Variants in CEP135 observed in about 807,000 individuals in gnomAD.
The protein encoded by CEP135 is centrosomal protein of 135 kDa.
A neutral mutation model predicts 157.3 loss-of-function variants in CEP135; 142 were observed. The observed-to-expected ratio is 0.90, with a 90% CI of 0.79 to 1.04. CEP135 has a LOEUF of 1.04. Ranked by LOEUF, CEP135 falls within the 50% of genes least tolerant of loss-of-function variation. The pLI, the probability that CEP135 is intolerant of heterozygous loss-of-function variation, is 0.00. For synonymous variants in CEP135, 396 were observed against 439.8 expected (o/e 0.90, Z 1.25); for missense variants, 1,317 against 1,309.2 (o/e 1.01, Z -0.09).
rs150071203 is a variant in CEP135, at chr4:55,999,550, A to G, written c.2185A>G (p.Ile729Val). 5 of 1,611,666 alleles carry G rather than the reference A, an allele frequency of 3.1e-6. No individual in the cohort carries two copies. The African/African-American group carries it at 4.0e-5, about 13-fold the overall frequency. The change falls in exon 17 of 26, where the codon ATT (isoleucine) becomes GTT (valine). Residue 729 changes from isoleucine (I) to valine (V), a missense_variant. Ile to Val is a conservative substitution (Grantham distance 29, BLOSUM62 3). Coordinates refer to ENST00000257287, the MANE Select transcript of CEP135 (RefSeq NM_025009.5). ...GGAGGCTCATGTAATGAAAAAGACCATTGGTGTTATTGATAAAGAAAAAGA... is the reference window on the plus strand; with the variant it reads ...GGAGGCTCATGTAATGAAAAAGACCGTTGGTGTTATTGATAAAGAAAAAGA... ...DEEAHVMKKT[I>V]GVIDKEKDFL...
chr4:56,001,871 A>T (rs550964150), intron 17 of CEP135, among the ~76,000 whole-genome samples: 1 of 152,050 alleles, frequency 6.6e-6, no homozygotes, highest in African/African-American at 2.4e-5. Flanking sequence ...AATTCCTTCA[A>T]TCCATGAGTA....
At position 56,010,109 on chromosome 4, in the gene CEP135, A is replaced by G. The variant is rs531415511; in HGVS notation, c.2505+206A>G. ...TCACACCTGTAATCTTAGCACTTTC[A>G]GAGGCTGAGGTGGGTGGATCACTTG... is the stretch of plus-strand genomic sequence containing the variant. On this transcript the variant is annotated intron_variant, in intron 19 of 25. Coordinates refer to ENST00000257287, the MANE Select transcript of CEP135 (RefSeq NM_025009.5). Among the ~76,000 whole-genome samples, 5 of 152,176 alleles carry G rather than the reference A, an allele frequency of 3.3e-5. No individual in the cohort carries two copies. The South Asian group carries it at 6.2e-4, about 19-fold the overall frequency.
intron 25 of CEP135, among the ~76,000 whole-genome samples, chr4:56,025,760 G>A (rs997799122): frequency 6.6e-6 from 1 of 152,062 alleles, no homozygotes; most frequent in Non-Finnish European, 1.5e-5. Flanking sequence ...AATAGTTCAG[G>A]ATTAGTATAA....
chr4:55,993,011 C>T (rs904667461), intron 15 of CEP135, among the ~76,000 whole-genome samples: 1 of 152,014 alleles, frequency 6.6e-6, no homozygotes, highest in East Asian at 1.9e-4. Flanking sequence ...CAAATGTCAG[C>T]AAGACATTAC....
chr4:55,953,911 A>G (rs1728433896), intron 3 of CEP135, among the ~76,000 whole-genome samples: 1 of 152,188 alleles, frequency 6.6e-6, no homozygotes, highest in South Asian at 2.1e-4. Flanking sequence ...TCAGTAGAAA[A>G]CTTTATCTAA....
In CEP135 at chr4:55,974,758, C is replaced by T; in HGVS notation, c.1262C>T (p.Thr421Ile). 4 of 1,611,992 alleles carry T rather than the reference C, an allele frequency of 2.5e-6. No individual in the cohort carries two copies. Among genetic ancestry groups the T allele is most frequent in the Non-Finnish European group, 3.4e-6 (4 of 1,179,110 alleles). ...ESFAVTERQL[T>I]LEVERMRLEH... ...CTTTAATTTACAGAACGACAACTTA[C>T]TCTGGAGGTTGAGAGGATGAGACTA... The change falls in exon 11 of 26, where the codon ACT becomes ATT. Residue 421 changes from threonine to isoleucine, a missense_variant. Transcript: ENST00000257287.
chr4:55,973,250 A>G (rs1037587642), intron 10 of CEP135, among the ~76,000 whole-genome samples: 5 of 152,170 alleles, frequency 3.3e-5, no homozygotes, highest in African/African-American at 9.7e-5. Flanking sequence ...TGTAAATTAG[A>G]TGGTCCTGAA....
intron 11 of CEP135, among the ~76,000 whole-genome samples, chr4:55,977,715 G>A (rs1488000066): frequency 6.6e-6 from 1 of 152,126 alleles, no homozygotes; most frequent in Non-Finnish European, 1.5e-5. Context: ...TAGCAATTTT[G>A]AAGTATACAA....
At chr4:55,981,988 A>G (rs1729426850) in intron 13 of CEP135, among the ~76,000 whole-genome samples, 1 of 152,130 alleles carries the variant, frequency 6.6e-6, no homozygotes, top group Non-Finnish European at 1.5e-5. Context: ...ACCCATAACA[A>G]AGTCAAAAAT....
At chr4:56,019,675 C>T (rs1730907089) in intron 23 of CEP135, 120 bp downstream of exon 23, 5 of 731,436 alleles carry the variant, frequency 6.8e-6, no homozygotes, top group African/African-American at 3.6e-5. Flanking sequence ...GTGGCTCACA[C>T]CTGTAATCCC....
chr4:56,010,360 CAAAAAAA>C (rs34182911), intron 19 of CEP135, among the ~76,000 whole-genome samples: 2 of 110,940 alleles, frequency 1.8e-5, no homozygotes, highest in Admixed American at 9.2e-5. Context: ...AGACTCCATC[CAAAAAAA>C]AAAAAAAAAA....
At chr4:56,023,206 A>G (rs1368980803) in intron 24 of CEP135, among the ~76,000 whole-genome samples, 4 of 150,378 alleles carry the variant, frequency 2.7e-5, no homozygotes, top group Non-Finnish European at 4.4e-5. Context: ...TGGGCAATAG[A>G]GCAAGTCCCT....
chr4:55,987,919 A>T (rs188241092), intron 14 of CEP135, among the ~76,000 whole-genome samples: 216 of 152,316 alleles, frequency 1.4e-3, no homozygotes, highest in African/African-American at 5.1e-3. Flanking sequence ...GATTTTCTAG[A>T]TATGAAAACA....
chr4:55,964,146 AAATATGAATGTT>A (rs1482682077), intron 6 of CEP135, 116 bp from the exon 7 acceptor site: 1 of 826,846 alleles, frequency 1.2e-6, no homozygotes, highest in Non-Finnish European at 1.8e-6. Flanking sequence ...ATATGGACAC[AAATATGAATGTT>A]AATCTCTTGC....
chr4:55,957,158 G>A lies in CEP135; in HGVS notation c.473-65G>A, dbSNP rs141564548. On this transcript the variant is annotated intron_variant, in intron 4 of 25. Transcript: ENST00000257287. ...ACTTTATAACCGAAAGGCTAACCTG[G>A]AATATTTAATTCTAAGACATGGTTT... 877 of 1,550,014 alleles carry A rather than the reference G, an allele frequency of 5.7e-4. 4 individuals carry two copies. In the African/African-American group the frequency reaches 0.01, roughly 18 times the overall value.
intron 12 of CEP135, 77 bp from the exon 13 acceptor site, chr4:55,981,150 G>A: frequency 7.2e-7 from 1 of 1,393,166 alleles, no homozygotes; most frequent in South Asian, 1.4e-5. Context: ...TTTTTAACTG[G>A]AAACATATCC....
chr4:55,974,882 G>A lies in CEP135; in HGVS notation c.1386G>A (p.Glu462=), dbSNP rs1363802135. ...EERDYYKKEL[E]RLQHIIQRRS... ...GAGATTATTATAAGAAAGAGCTAGAGAGACTCCAACATATAATACAGCGAA... is the reference window on the plus strand; with the variant it reads ...GAGATTATTATAAGAAAGAGCTAGAAAGACTCCAACATATAATACAGCGAA... Residue 462 remains glutamate (E), a synonymous_variant, in exon 11 of 26, where the codon GAG becomes GAA. Transcript: ENST00000257287. The A allele has an allele frequency of 1.9e-6, 3 of 1,613,848 alleles. No homozygotes were observed. In the South Asian group the frequency reaches 3.3e-5, roughly 18 times the overall value.
At chr4:55,958,918 C>A (rs943243905) in intron 5 of CEP135, among the ~76,000 whole-genome samples, 1 of 152,110 alleles carries the variant, frequency 6.6e-6, no homozygotes, top group Non-Finnish European at 1.5e-5. Context: ...AACTCTCTCT[C>A]TACAAAAAAT....
Position 56,009,898 on chromosome 4 carries a change from A to G in CEP135, c.2500A>G (p.Asn834Asp), listed in dbSNP as rs1730510665. The change falls in exon 19 of 26, where the codon AAT becomes GAT. Residue 834 changes from asparagine to aspartate, a missense_variant. By Grantham distance (23) the Asn-to-Asp change is conservative (BLOSUM62 1). Transcript: ENST00000257287. ...QDDLATMARE[N>D]QEISLELEAA... ...TGACCTGGCTACAATGGCAAGAGAA[A>G]ATCAAGTATGAACACAAGGCATAAA... 1.9e-6 allele frequency: 3 copies of G among 1,612,850 alleles called. No homozygotes were observed. The highest frequency in any genetic ancestry group is 2.5e-6 in the Non-Finnish European group (3 of 1,179,742).
Sources: allele counts gnomAD v4.1 joint callset (sites outside exome capture counted in the v4.1 genomes callset), GRCh38; gene constraint gnomAD v4.1.1; transcripts MANE v1.5; gene names NCBI Gene and HGNC (gene_info 2026-07-23, HGNC 2026-07-21).